Variants in EFCAB3 observed in about 807,000 individuals in gnomAD.
EFCAB3 encodes EF-hand calcium binding domain 3.
In EFCAB3, 36 loss-of-function variants were observed where a neutral mutation model predicts 42.2. That is an observed-to-expected ratio of 0.85 (90% CI 0.65 to 1.13). The LOEUF (loss-of-function observed/expected upper bound fraction) is 1.13, where lower values mean the gene tolerates loss of function less well. Among genes scored for constraint, EFCAB3 ranks in the 50% most tolerant of loss-of-function variants. EFCAB3 has a pLI of 0.00. For synonymous variants in EFCAB3, 170 were observed against 172.8 expected, an observed-to-expected ratio of 0.98 and a Z score of 0.13; for missense variants, 418 against 505.1, an observed-to-expected ratio of 0.83 and a Z score of 1.65.
chr17:62,383,075 G>T lies in EFCAB3; in HGVS notation c.74+22G>T, dbSNP rs190724331. The stretch of plus-strand genomic sequence containing the variant: ...AAAGGTAGGTAATGAATGATTAAGG[G>T]TGATAAATGTATTATGATAAAGAAT... On this transcript the variant is annotated intron_variant, in intron 2 of 9. Transcript: ENST00000305286. 3.4e-4 allele frequency: 534 copies of T among 1,571,804 alleles called. 3 individuals are homozygous for T. The Middle Eastern group carries it at 0.012, about 34-fold the overall frequency.
At chr17:62,406,418 T>A in intron 6 of EFCAB3, 62 bp from the exon 7 acceptor site, 1 of 1,428,306 alleles carries the variant, frequency 7.0e-7, no homozygotes, top group Non-Finnish European at 9.4e-7. Flanking sequence ...GCAACTTGAC[T>A]TTTTAAAATT....
chr17:62,371,683 C>T (rs1256917991), intron 1 of EFCAB3, among the ~76,000 whole-genome samples: 1 of 151,970 alleles, frequency 6.6e-6, no homozygotes, highest in African/African-American at 2.4e-5. Flanking sequence ...AATATTACAG[C>T]GAGTGAAACT....
intron 3 of EFCAB3, 85 bp downstream of exon 3, chr17:62,387,501 C>T: frequency 8.4e-7 from 1 of 1,187,836 alleles, no homozygotes; most frequent in Non-Finnish European, 1.2e-6. Flanking sequence ...TCTGAGATTT[C>T]AAGGGTTGTC....
At chr17:62,415,260 C>A (rs1328324351) in intron 9 of EFCAB3, among the ~76,000 whole-genome samples, 1 of 152,158 alleles carries the variant, frequency 6.6e-6, no homozygotes, top group Non-Finnish European at 1.5e-5. Flanking sequence ...ACATGAAGAG[C>A]CAACCATGGC....
intron 8 of EFCAB3, among the ~76,000 whole-genome samples, chr17:62,409,780 A>G (rs2070479017): frequency 6.6e-6 from 1 of 151,828 alleles, no homozygotes; most frequent in African/African-American, 2.4e-5. Context: ...TACCTACTGT[A>G]TATGTACTAT....
upstream of EFCAB3, chr17:62,378,062 T>TA: frequency 6.8e-7 from 1 of 1,475,110 alleles, no homozygotes; most frequent in South Asian, 1.3e-5. Flanking sequence ...AGATGGGGCT[T>TA]AATACTTTGA....
chr17:62,387,881 T>C (rs946144746), intron 3 of EFCAB3, among the ~76,000 whole-genome samples: 15 of 152,122 alleles, frequency 9.9e-5, no homozygotes, highest in Non-Finnish European at 1.6e-4. Flanking sequence ...CCTGCCCTGA[T>C]AGGAAGTCTA....
At chr17:62,411,399 C>G (rs1479405247) in intron 8 of EFCAB3, among the ~76,000 whole-genome samples, 3 of 152,060 alleles carry the variant, frequency 2.0e-5, no homozygotes. Context: ...GAAGAAAACA[C>G]CCTGGAGCAG....
chr17:62,396,941 T>C (rs993696663), intron 6 of EFCAB3, among the ~76,000 whole-genome samples: 5 of 152,150 alleles, frequency 3.3e-5, no homozygotes, highest in African/African-American at 1.2e-4. Flanking sequence ...AATTTAATCC[T>C]CACCTCCCTA....
chr17:62,400,710 G>A (rs1290773022), intron 6 of EFCAB3, among the ~76,000 whole-genome samples: 1 of 152,178 alleles, frequency 6.6e-6, no homozygotes, highest in Non-Finnish European at 1.5e-5. Context: ...TGTCTCTATA[G>A]CAGCATGATT....
chr17:62,408,812 C>T (rs898490359), intron 8 of EFCAB3, among the ~76,000 whole-genome samples: 22 of 152,294 alleles, frequency 1.4e-4, no homozygotes, highest in Non-Finnish European at 2.4e-4. Flanking sequence ...TTTACTCTTC[C>T]TCTTACAGAC....
chr17:62,371,548 C>T (rs1311455368), intron 1 of EFCAB3, among the ~76,000 whole-genome samples: 1 of 152,164 alleles, frequency 6.6e-6, no homozygotes, highest in Non-Finnish European at 1.5e-5. Context: ...CAGAGTGAGA[C>T]TCCGTCTCAA....
intron 3 of EFCAB3, 51 bp downstream of exon 3, chr17:62,387,467 T>C (rs1567722471): frequency 1.4e-6 from 2 of 1,435,784 alleles, no homozygotes; most frequent in Non-Finnish European, 1.9e-6. Context: ...TTAATATGTC[T>C]GATCCTTTCT....
chr17:62,375,729 C>T (rs968687995), upstream of EFCAB3, among the ~76,000 whole-genome samples: 2 of 152,174 alleles, frequency 1.3e-5, no homozygotes, highest in Non-Finnish European at 2.9e-5. Flanking sequence ...GTAACATAAA[C>T]GAGTCACCCA....
chr17:62,380,059 G>A (rs542260637), upstream of EFCAB3, among the ~76,000 whole-genome samples: 7 of 152,220 alleles, frequency 4.6e-5, no homozygotes, highest in East Asian at 1.9e-4. Flanking sequence ...TAGAGTGCAG[G>A]GGCGTGATCT....
rs565902813 is a variant in EFCAB3, at chr17:62,391,674, T to C, written c.152-148T>C. The C allele has an allele frequency of 9.8e-6, 8 of 813,528 alleles. No individual in the cohort carries two copies. In the East Asian group the frequency reaches 2.1e-4, roughly 21 times the overall value. 50.4% of individuals were successfully genotyped at this position (813,528 alleles called of 1,614,324 possible). On this transcript the variant is annotated intron_variant, in intron 3 of 9. Coordinates refer to ENST00000305286, the MANE Select transcript of EFCAB3 (RefSeq NM_173503.4). ...TTCCGTGGAAGGATACTGTCCTTTA[T>C]AAGAAATGTCTATTAAGCACTCATT...
At chr17:62,409,198 AG>A (rs1340343353) in intron 8 of EFCAB3, among the ~76,000 whole-genome samples, 1 of 152,008 alleles carries the variant, frequency 6.6e-6, no homozygotes, top group Non-Finnish European at 1.5e-5. Flanking sequence ...GCTGGACCAC[AG>A]GCATGCGCCA....
At chr17:62,397,974 G>A (rs1167207241) in intron 6 of EFCAB3, 3 of 183,204 alleles carry the variant, frequency 1.6e-5, no homozygotes, top group East Asian at 1.8e-4. Context: ...GCAGTGAGCC[G>A]ACATCATGCC....
chr17:62,394,883 T>C (rs1273483796), intron 5 of EFCAB3, among the ~76,000 whole-genome samples, 185 bp from the exon 6 acceptor site: 1 of 152,200 alleles, frequency 6.6e-6, no homozygotes, highest in African/African-American at 2.4e-5. Context: ...TTTTTTAACA[T>C]TCCATTTTAT....
Sources: allele counts gnomAD v4.1 joint callset (sites outside exome capture counted in the v4.1 genomes callset), GRCh38; gene constraint gnomAD v4.1.1; transcripts MANE v1.5; gene names NCBI Gene and HGNC (gene_info 2026-07-23, HGNC 2026-07-21).